OR8H2: variants seen among roughly 807,000 people sequenced by gnomAD.
The protein encoded by OR8H2 is olfactory receptor family 8 subfamily H member 2, also known as olfactory receptor 8H2.
For missense variants in OR8H2, 374 were observed against 371.1 expected (o/e 1.01, Z -0.06); for synonymous variants, 157 against 139.2 (o/e 1.13, Z -0.90).
In OR8H2 at chr11:56,105,674, T is replaced by C. The variant is rs1315769859; in HGVS notation, c.632T>C (p.Leu211Pro). Residue 211 changes from leucine (L) to proline (P), a missense_variant, in exon 2 of 2, where the codon CTT becomes CCT. Leu to Pro is a moderately conservative substitution (Grantham distance 98, BLOSUM62 -3). Coordinates refer to ENST00000313503, the MANE Select transcript of OR8H2 (RefSeq NM_001386064.1). ...GTTGGTTCCACCCTGATGGTGTCCC[T>C]TTTCACAATATCTGCATCCTATGTG... ...IIVGSTLMVS[L>P]FTISASYVFI... 1.2e-6 allele frequency: 2 copies of C among 1,614,114 alleles called. No individual in the cohort carries two copies. Among genetic ancestry groups the C allele is most frequent in the East Asian group, 2.2e-5 (1 of 44,886 alleles).
In OR8H2 at chr11:56,105,341, A is replaced by C. The variant is rs547430112; in HGVS notation, c.299A>C (p.Gln100Pro). 3.3e-5 allele frequency: 53 copies of C among 1,614,194 alleles called. No individual in the cohort carries two copies. In the South Asian group the frequency reaches 5.2e-4, roughly 16 times the overall value. ...NYISFTGCFA[Q>P]MFFFAFLGTA... ...ATTTCCTTTACGGGCTGCTTTGCCC[A>C]GATGTTCTTTTTTGCCTTCTTGGGT... The change falls in exon 2 of 2, where the codon CAG becomes CCG. Residue 100 changes from glutamine (Q) to proline (P), a missense_variant. Physicochemically the swap from Gln to Pro is moderately conservative, Grantham distance 76 (BLOSUM62 -1). Transcript: ENST00000313503.
chr11:56,104,449 A>G (rs1330642560), intron 1 of OR8H2, among the ~76,000 whole-genome samples: 3 of 152,186 alleles, frequency 2.0e-5, no homozygotes, highest in Non-Finnish European at 4.4e-5. Flanking sequence ...AGAGTATAGT[A>G]TTATAAGCCG....
Position 56,105,093 on chromosome 11 carries a change from A to T in OR8H2, c.51A>T (p.Gly17=), listed in dbSNP as rs769093172. ...NTNVADFILM[G]LTLSEEIQMA... is the part of the protein sequence containing the mutation. The stretch of plus-strand genomic sequence containing the variant: ...ATGTGGCTGACTTCATCCTTATGGG[A>T]CTGACACTTTCTGAAGAGATCCAGA... Residue 17 remains glycine, a synonymous_variant, in exon 2 of 2, where the codon GGA becomes GGT. Coordinates refer to ENST00000313503, the MANE Select transcript of OR8H2 (RefSeq NM_001386064.1). The T allele has an allele frequency of 6.2e-7, 1 of 1,614,160 alleles. No individual in the cohort carries two copies. The highest frequency in any genetic ancestry group is 1.7e-5 in the Admixed American group (1 of 60,016).
In OR8H2 at chr11:56,105,184, T is replaced by C. The variant is rs1359407244; in HGVS notation, c.142T>C (p.Leu48=). 1 of 1,614,098 alleles carries C rather than the reference T, an allele frequency of 6.2e-7. No homozygotes were observed. Among genetic ancestry groups the C allele is most frequent in the African/African-American group, 1.3e-5 (1 of 74,936 alleles). The part of the protein sequence containing the change: ...ITMLGNVGMI[L]IIRLDLQLHT... ...TATGCTGGGGAATGTGGGGATGATA[T>C]TGATAATCCGCCTGGACCTCCAGCT... The change falls in exon 2 of 2, where the codon TTG becomes CTG. Residue 48 remains leucine (L), a synonymous_variant. Coordinates refer to ENST00000313503, the MANE Select transcript of OR8H2 (RefSeq NM_001386064.1).
chr11:56,104,371 C>T (rs61887142), intron 1 of OR8H2, among the ~76,000 whole-genome samples: 9,092 of 151,846 alleles, frequency 0.06, 371 homozygotes, highest in Non-Finnish European at 0.084. Flanking sequence ...TATAATAAAA[C>T]GGTTTCCTGT....
In OR8H2 at chr11:56,105,453, CA is replaced by C. The variant is rs1266245348; in HGVS notation, c.415del (p.Arg139GlyfsTer12). 6.2e-7 allele frequency: 1 copy of C among 1,614,026 alleles called. No individual in the cohort carries two copies. The highest frequency in any genetic ancestry group is 8.5e-7 in the Non-Finnish European group (1 of 1,180,036). The part of the protein sequence containing the change: ...SPLHYTVIMS[K>X]RLCLALITGP... ...CTCTACACTACACAGTTATTATGTC[CA>C]AAAGGCTCTGCCTCGCTCTCATCAC... On this transcript the variant is annotated frameshift_variant, in exon 2 of 2. Transcript: ENST00000313503. LOFTEE classifies it low-confidence loss of function (END_TRUNC).
chr11:56,105,686 C>T lies in OR8H2; in HGVS notation c.644C>T (p.Ser215Phe). 1 of 1,614,142 alleles carries T rather than the reference C, an allele frequency of 6.2e-7. No individual in the cohort carries two copies. Among genetic ancestry groups the T allele is most frequent in the Non-Finnish European group, 8.5e-7 (1 of 1,179,952 alleles). Residue 215 changes from serine to phenylalanine, a missense_variant, in exon 2 of 2, where the codon TCT becomes TTT. Physicochemically the swap from Ser to Phe is radical, Grantham distance 155. Coordinates refer to ENST00000313503, the MANE Select transcript of OR8H2 (RefSeq NM_001386064.1). The stretch of plus-strand genomic sequence containing the variant: ...CTGATGGTGTCCCTTTTCACAATAT[C>T]TGCATCCTATGTGTTCATTCTCTTT... Reference protein sequence around the residue: ...STLMVSLFTISASYVFILFTI... With the variant: ...STLMVSLFTIFASYVFILFTI...
chr11:56,105,069 T>C lies in OR8H2; in HGVS notation c.27T>C (p.Asn9=), dbSNP rs756078317. The C allele has an allele frequency of 6.2e-7, 1 of 1,613,644 alleles. No homozygotes were observed. The highest frequency in any genetic ancestry group is 1.1e-5 in the South Asian group (1 of 91,024). Residue 9 remains asparagine (N), a synonymous_variant, in exon 2 of 2, where the codon AAT becomes AAC. Transcript: ENST00000313503. MMGRRNNT[N]VADFILMGLT... ...TGATGGGTAGAAGGAATAACACAAA[T>C]GTGGCTGACTTCATCCTTATGGGAC...
Position 56,106,140 on chromosome 11 carries a change from A to G in OR8H2, c.*159A>G. On this transcript the variant is annotated 3_prime_UTR_variant, in exon 2 of 2. Coordinates refer to ENST00000313503, the MANE Select transcript of OR8H2 (RefSeq NM_001386064.1). ...ACTAAACATGATTTTAAACATTTCA[A>G]GGCATATGTTTTTAGAAATCCAAAT... is the stretch of plus-strand genomic sequence containing the variant. 1.9e-6 allele frequency: 1 copy of G among 530,454 alleles called. No homozygotes were observed. The highest frequency in any genetic ancestry group is 3.1e-5 in the East Asian group (1 of 32,606). 32.9% of individuals were successfully genotyped at this position (530,454 alleles called of 1,614,324 possible).
Position 56,105,112 on chromosome 11 carries a change from A to G in OR8H2, c.70A>G (p.Ile24Val), listed in dbSNP as rs763089995. 2.3e-5 allele frequency: 37 copies of G among 1,614,066 alleles called. No homozygotes were observed. Among genetic ancestry groups the G allele is most frequent in the Non-Finnish European group, 2.8e-5 (33 of 1,180,030 alleles). The change falls in exon 2 of 2, where the codon ATC becomes GTC. Residue 24 changes from isoleucine to valine, a missense_variant. Physicochemically the swap from Ile to Val is conservative, Grantham distance 29. Transcript: ENST00000313503. The part of the protein sequence containing the change: ...ILMGLTLSEE[I>V]QMALFMLFLL... Reference sequence around the variant, plus strand: ...TATGGGACTGACACTTTCTGAAGAGATCCAGATGGCTCTGTTTATGCTATT... The same window carrying G: ...TATGGGACTGACACTTTCTGAAGAGGTCCAGATGGCTCTGTTTATGCTATT...
chr11:56,104,974 G>A lies in OR8H2; in HGVS notation c.-69G>A. 2 of 1,356,094 alleles carry A rather than the reference G, an allele frequency of 1.5e-6. No individual in the cohort carries two copies. Among genetic ancestry groups the A allele is most frequent in the Non-Finnish European group, 2.0e-6 (2 of 980,276 alleles). 84.0% of individuals were successfully genotyped at this position (1,356,094 alleles called of 1,614,324 possible). A position where few individuals can be genotyped will look rare whatever the true frequency, so the allele number is the denominator to read the frequency against. Reference sequence around the variant, plus strand: ...CAATTCTCCTGCCTCAGCTTCTCCAGTAGCTGGGATTACAGGCGCCCCTGC... The same window carrying A: ...CAATTCTCCTGCCTCAGCTTCTCCAATAGCTGGGATTACAGGCGCCCCTGC... On this transcript the variant is annotated 5_prime_UTR_variant, in exon 2 of 2. Transcript: ENST00000313503.
Position 56,103,818 on chromosome 11 carries a change from T to C in OR8H2, c.-341T>C, listed in dbSNP as rs1854011326. On this transcript the variant is annotated 5_prime_UTR_variant, in exon 1 of 2. Coordinates refer to ENST00000313503, the MANE Select transcript of OR8H2 (RefSeq NM_001386064.1). ...GTTTATTTTAACTCAGAATAAAACA[T>C]AATGAATACACCAAAATGTAAAAAC... 6.6e-6 allele frequency: 1 copy of C among 152,276 alleles called. No individual in the cohort carries two copies. The highest frequency in any genetic ancestry group is 2.4e-5 in the African/African-American group (1 of 41,574). The allele number at this position is 152,276 out of a possible 1,614,324, so 9.4% of individuals were successfully genotyped here. A position where few individuals can be genotyped will look rare whatever the true frequency, so the allele number is the denominator to read the frequency against.
In OR8H2 at chr11:56,105,780, G is replaced by C; in HGVS notation, c.738G>C (p.Leu246Phe). 6.2e-7 allele frequency: 1 copy of C among 1,613,776 alleles called. No homozygotes were observed. Residue 246 changes from leucine to phenylalanine, a missense_variant, in exon 2 of 2, where the codon TTG becomes TTC. Physicochemically the swap from Leu to Phe is conservative, Grantham distance 22. Transcript: ENST00000313503. The stretch of plus-strand genomic sequence containing the variant: ...TCTCTACTTGCGTCTCTCATCTCTT[G>C]GGAGTCACCATCTTTTATAGCACTC... ...KAFSTCVSHLLGVTIFYSTLI... is the reference protein window; with the variant it reads ...KAFSTCVSHLFGVTIFYSTLI...
Position 56,105,295 on chromosome 11 carries a change from AACTT to A in OR8H2, c.257_260del (p.Leu86Ter). ...TGTCGTCACACCTAAAACCTTAGCG[AACTT>A]ACTGACTTCCAACTATATTTCCTTT... On this transcript the variant is annotated frameshift_variant, in exon 2 of 2. Coordinates refer to ENST00000313503, the MANE Select transcript of OR8H2 (RefSeq NM_001386064.1). LOFTEE classifies it low-confidence loss of function (END_TRUNC). 3.1e-6 allele frequency: 5 copies of A among 1,614,182 alleles called. No individual in the cohort carries two copies. In the South Asian group the frequency reaches 5.5e-5, roughly 18 times the overall value.
At position 56,105,311 on chromosome 11, in the gene OR8H2, A is replaced by C. The variant is rs140386955; in HGVS notation, c.269A>C (p.Asn90Thr). 24 of 1,613,978 alleles carry C rather than the reference A, an allele frequency of 1.5e-5. No individual in the cohort carries two copies. The highest frequency in any genetic ancestry group is 1.9e-5 in the Non-Finnish European group (23 of 1,180,030). ...ACCTTAGCGAACTTACTGACTTCCA[A>C]CTATATTTCCTTTACGGGCTGCTTT... ...PKTLANLLTS[N>T]YISFTGCFAQ... The change falls in exon 2 of 2, where the codon AAC (asparagine) becomes ACC (threonine). Residue 90 changes from asparagine (N) to threonine (T), a missense_variant. Asn to Thr is a moderately conservative substitution (Grantham distance 65, BLOSUM62 0). Coordinates refer to ENST00000313503, the MANE Select transcript of OR8H2 (RefSeq NM_001386064.1).
Position 56,105,494 on chromosome 11 carries a change from T to C in OR8H2, c.452T>C (p.Ile151Thr). Reference sequence around the variant, plus strand: ...GCTCTCATCACTGGGCCTTATGTGATTGGCTTTATAGACTCCTTTGTCAAC... The same window carrying C: ...GCTCTCATCACTGGGCCTTATGTGACTGGCTTTATAGACTCCTTTGTCAAC... ...CLALITGPYV[I>T]GFIDSFVNVV... is the part of the protein sequence containing the mutation. Residue 151 changes from isoleucine (I) to threonine (T), a missense_variant, in exon 2 of 2, where the codon ATT becomes ACT. By Grantham distance (89) the Ile-to-Thr change is moderately conservative. Transcript: ENST00000313503. 6.2e-7 allele frequency: 1 copy of C among 1,614,208 alleles called. No homozygotes were observed. The highest frequency in any genetic ancestry group is 1.3e-5 in the African/African-American group (1 of 75,060).
At position 56,105,941 on chromosome 11, in the gene OR8H2, C is replaced by T. The variant is rs1266154635; in HGVS notation, c.899C>T (p.Ala300Val). 1.2e-6 allele frequency: 2 copies of T among 1,602,226 alleles called. No homozygotes were observed. Among genetic ancestry groups the T allele is most frequent in the Non-Finnish European group, 1.7e-6 (2 of 1,174,606 alleles). ...YSLRNKEVKN[A>V]VIRVMQRRQD... ...CTTAGAAACAAAGAGGTGAAAAATG[C>T]TGTCATCAGAGTCATGCAGAGAAGA... Residue 300 changes from alanine to valine, a missense_variant, in exon 2 of 2, where the codon GCT (alanine) becomes GTT (valine). By Grantham distance (64) the Ala-to-Val change is moderately conservative (BLOSUM62 0). Coordinates refer to ENST00000313503, the MANE Select transcript of OR8H2 (RefSeq NM_001386064.1).
chr11:56,104,016 A>C lies in OR8H2; in HGVS notation c.-172+29A>C, dbSNP rs1163646491. The C allele has an allele frequency of 2.6e-5, 4 of 152,196 alleles. No homozygotes were observed. The East Asian group carries it at 7.7e-4, about 29-fold the overall frequency. 9.4% of individuals were successfully genotyped at this position (152,196 alleles called of 1,614,324 possible). A position where few individuals can be genotyped will look rare whatever the true frequency, so the allele number is the denominator to read the frequency against. ...AGTATTATTCTCAAAATTGGAAGATATTGTTCCAGATTTTATTTCAGATGG... is the reference window on the plus strand; with the variant it reads ...AGTATTATTCTCAAAATTGGAAGATCTTGTTCCAGATTTTATTTCAGATGG... On this transcript the variant is annotated intron_variant, in intron 1 of 1. Transcript: ENST00000313503.
In OR8H2 at chr11:56,106,519, C is replaced by A. The variant is rs1382573591; in HGVS notation, c.*538C>A. On this transcript the variant is annotated 3_prime_UTR_variant, in exon 2 of 2. Coordinates refer to ENST00000313503, the MANE Select transcript of OR8H2 (RefSeq NM_001386064.1). Reference sequence around the variant, plus strand: ...CTTAAGCCTCCCTTCCCTAAGTGCACAAGATAAATAATAACTCCAAATCTG... The same window carrying A: ...CTTAAGCCTCCCTTCCCTAAGTGCAAAAGATAAATAATAACTCCAAATCTG... 1 of 152,292 alleles carries A rather than the reference C, an allele frequency of 6.6e-6. No individual in the cohort carries two copies. Among genetic ancestry groups the A allele is most frequent in the Non-Finnish European group, 1.5e-5 (1 of 68,258 alleles). 9.4% of individuals were successfully genotyped at this position (152,292 alleles called of 1,614,324 possible). A position where few individuals can be genotyped will look rare whatever the true frequency, so the allele number is the denominator to read the frequency against.
Sources: allele counts gnomAD v4.1 joint callset (sites outside exome capture counted in the v4.1 genomes callset), GRCh38; gene constraint gnomAD v4.1.1; transcripts MANE v1.5; gene names NCBI Gene and HGNC (gene_info 2026-07-23, HGNC 2026-07-21).